Variants in DIAPH2 observed in about 807,000 individuals in gnomAD.
The protein encoded by DIAPH2 is diaphanous related formin 2, also known as protein diaphanous homolog 2.
Under a neutral mutation model 92.7 loss-of-function variants are expected in DIAPH2, and 35 were observed. That is an observed-to-expected ratio of 0.38 (90% confidence interval 0.29 to 0.50). The LOEUF is 0.50. DIAPH2 is among the 20% of genes least tolerant of loss of function. The pLI, the probability that DIAPH2 is intolerant of heterozygous loss-of-function variation, is 0.94. For missense variants in DIAPH2, 701 were observed against 819.5 expected (o/e 0.86, Z 1.77); for synonymous variants, 301 against 280.4 (o/e 1.07, Z -0.73).
intron 26 of DIAPH2, among the ~76,000 whole-genome samples, chrX:97,479,994 T>G (rs192104514): frequency 8.9e-6 from 1 of 111,839 alleles, no homozygotes; most frequent in East Asian, 2.8e-4. Flanking sequence ...GTAATCCCAT[T>G]TAGGAAAATA....
chrX:96,849,290 C>T (rs1471380723), intron 4 of DIAPH2, among the ~76,000 whole-genome samples: 1 of 111,272 alleles, frequency 9.0e-6, no homozygotes, highest in African/African-American at 3.3e-5. Context: ...CTCAGCCTCC[C>T]AAGTAGCTGG....
intron 17 of DIAPH2, among the ~76,000 whole-genome samples, chrX:97,004,996 TG>T (rs1376824403): frequency 2.7e-5 from 3 of 111,791 alleles, no homozygotes; most frequent in Non-Finnish European, 3.8e-5. Context: ...TAGTTTTTTG[TG>T]GGTTTTTATC....
At chrX:96,833,897 G>C (rs1478787067) in intron 4 of DIAPH2, among the ~76,000 whole-genome samples, 1 of 111,111 alleles carries the variant, frequency 9.0e-6, no homozygotes, top group Non-Finnish European at 1.9e-5. Flanking sequence ...AATCTCAAGT[G>C]ATCTGCCCAC....
At chrX:97,006,934 C>T (rs2066186964) in intron 17 of DIAPH2, among the ~76,000 whole-genome samples, 1 of 110,009 alleles carries the variant, frequency 9.1e-6, no homozygotes, top group South Asian at 4.0e-4. Context: ...GTCTGTGTAT[C>T]CTTTGTATGT....
At chrX:97,464,297 TAAAAAAAAAAA>T (rs753355896) in intron 26 of DIAPH2, among the ~76,000 whole-genome samples, 4 of 32,943 alleles carry the variant, frequency 1.2e-4, no homozygotes, top group African/African-American at 3.0e-4. Flanking sequence ...CCATCTCTAC[TAAAAAAAAAAA>T]AAAAAAAAAA....
chrX:96,898,322 A>G (rs1354407256), intron 5 of DIAPH2, among the ~76,000 whole-genome samples: 1 of 104,186 alleles, frequency 9.6e-6, no homozygotes, highest in Non-Finnish European at 2.0e-5. Flanking sequence ...CAATGGTTGA[A>G]CCAGTTTACA....
rs990974455 is a variant in DIAPH2 at position 97,487,499 on chromosome X, C to T, written c.3241+57754C>T. Among the ~76,000 whole-genome samples, 31 of 111,344 alleles carry T rather than the reference C, an allele frequency of 2.8e-4. 1 individual carries two copies. The highest frequency in any genetic ancestry group is 1.0e-3 in the African/African-American group (31 of 30,561). ...CCATGTTAGCCAGGATGGTCTTGATCTCCTGACCTCGTGATCCGCCTGCCT... is the reference window on the plus strand; with the variant it reads ...CCATGTTAGCCAGGATGGTCTTGATTTCCTGACCTCGTGATCCGCCTGCCT... On this transcript the variant is annotated intron_variant, in intron 26 of 26. Transcript: ENST00000324765.
At chrX:97,489,473 A>G (rs948080697) in intron 26 of DIAPH2, among the ~76,000 whole-genome samples, 2 of 109,330 alleles carry the variant, frequency 1.8e-5, no homozygotes, top group East Asian at 2.9e-4. Context: ...TTCCAGTACT[A>G]TCTTGAATAT....
intron 26 of DIAPH2, among the ~76,000 whole-genome samples, chrX:97,535,199 G>A (rs1261873374): frequency 8.9e-6 from 1 of 112,169 alleles, no homozygotes; most frequent in African/African-American, 3.2e-5. Context: ...ACTTATCAAT[G>A]TTGGTTTATT....
chrX:96,720,042 G>C (rs142567222), intron 1 of DIAPH2, among the ~76,000 whole-genome samples: 1,171 of 111,290 alleles, frequency 0.011, 16 homozygotes, highest in African/African-American at 0.037. Flanking sequence ...TAACCTCTTG[G>C]ATTCGGGTCA....
At chrX:97,425,718 T>C (rs2070055774) in intron 25 of DIAPH2, among the ~76,000 whole-genome samples, 1 of 106,972 alleles carries the variant, frequency 9.3e-6, no homozygotes, top group Non-Finnish European at 1.9e-5. Context: ...GAGGTGGAGG[T>C]TGCAGTGAGC....
chrX:97,586,795 C>G (rs1404479924), intron 26 of DIAPH2, among the ~76,000 whole-genome samples: 3 of 111,580 alleles, frequency 2.7e-5, no homozygotes, highest in African/African-American at 9.8e-5. Flanking sequence ...AACAGTATAC[C>G]CCTCATCATA....
intron 22 of DIAPH2, among the ~76,000 whole-genome samples, chrX:97,226,974 G>C (rs1377356573): frequency 9.0e-6 from 1 of 111,150 alleles, no homozygotes; most frequent in Non-Finnish European, 1.9e-5. Flanking sequence ...AGCACAGTAG[G>C]AAACTCACAA....
intron 4 of DIAPH2, among the ~76,000 whole-genome samples, chrX:96,802,843 C>G (rs1331669651): frequency 1.8e-5 from 2 of 111,592 alleles, no homozygotes; most frequent in African/African-American, 6.5e-5. Flanking sequence ...TGGAAGCTGA[C>G]AGTGCGGCCT....
intron 4 of DIAPH2, 64 bp from the exon 5 acceptor site, chrX:96,881,515 G>A (rs1440623050): frequency 1.1e-6 from 1 of 926,170 alleles, no homozygotes; most frequent in East Asian, 3.4e-5. Flanking sequence ...AATATTCTAT[G>A]CATTATTTTA....
At chrX:97,310,974 A>C (rs890529968) in intron 23 of DIAPH2, among the ~76,000 whole-genome samples, 1 of 111,676 alleles carries the variant, frequency 9.0e-6, no homozygotes, top group Non-Finnish European at 1.9e-5. Context: ...GCGCCATTGC[A>C]CTCCAGCCTG....
intron 23 of DIAPH2, among the ~76,000 whole-genome samples, chrX:97,258,844 C>T (rs1312042545): frequency 1.2e-4 from 11 of 90,275 alleles, no homozygotes; most frequent in African/African-American, 5.0e-4. Context: ...GCACTCCAGC[C>T]TGGGCGACAG....
chrX:97,144,072 T>A (rs1009725253), intron 22 of DIAPH2, among the ~76,000 whole-genome samples: 18 of 111,664 alleles, frequency 1.6e-4, no homozygotes, highest in Admixed American at 6.6e-4. Context: ...AGTTCTGGCC[T>A]GGTGCAATGG....
At chrX:96,763,223 A>C (rs1273971170) in intron 4 of DIAPH2, 9 of 534,596 alleles carry the variant, frequency 1.7e-5, no homozygotes, top group African/African-American at 2.5e-5. Context: ...TTTGGTATAT[A>C]TTTTACCAAA....
Sources: gnomAD v4.1 joint callset for allele counts (sites outside exome capture counted in the v4.1 genomes callset) on GRCh38, gnomAD v4.1.1 for gene constraint, MANE v1.5 for transcripts, NCBI Gene and HGNC (gene_info 2026-07-23, HGNC 2026-07-21) for gene names.